Variants in SPATA7 observed in about 807,000 individuals in gnomAD.
SPATA7 encodes the protein spermatogenesis associated 7.
In SPATA7, 43 loss-of-function variants were observed where a neutral mutation model predicts 51.8. The observed-to-expected ratio is 0.83, with a 90% CI of 0.65 to 1.07. The LOEUF is 1.07. SPATA7 is among the 50% of genes least tolerant of loss of function. The probability of loss-of-function intolerance (pLI) is 0.00; values close to 1 mark genes in which losing one functional copy is unlikely to be tolerated. For missense variants in SPATA7, 683 were observed against 701.3 expected, an observed-to-expected ratio of 0.97 and a Z score of 0.30; for synonymous variants, 230 against 252.8, an observed-to-expected ratio of 0.91 and a Z score of 0.86.
intron 2 of SPATA7, among the ~76,000 whole-genome samples, chr14:88,392,385 G>C (rs537731234): frequency 6.6e-6 from 1 of 152,146 alleles, no homozygotes; most frequent in Non-Finnish European, 1.5e-5. Context: ...TTTATCAGCA[G>C]TGTAACCTTG....
intron 4 of SPATA7, among the ~76,000 whole-genome samples, chr14:88,460,496 C>G (rs989339240): frequency 6.6e-6 from 1 of 152,140 alleles, no homozygotes; most frequent in South Asian, 2.1e-4. Flanking sequence ...TCCAGTTGAT[C>G]GAATCGGCTA....
chr14:88,444,753 A>G (rs898495491), intron 3 of SPATA7, among the ~76,000 whole-genome samples: 3 of 152,128 alleles, frequency 2.0e-5, no homozygotes, highest in Non-Finnish European at 4.4e-5. Flanking sequence ...TCCTTTCCCC[A>G]TTGCTTGTTT....
chr14:88,445,562 C>T lies in SPATA7; in HGVS notation c.177+7659C>T, dbSNP rs374878183. Among the ~76,000 whole-genome samples the T allele has an allele frequency of 0.016, 2,396 of 151,258 alleles. 115 individuals are homozygous for T. The East Asian group carries it at 0.18, about 11-fold the overall frequency. On this transcript the variant is annotated intron_variant, in intron 3 of 3. Transcript: ENST00000554802. ...TGAGAGAGGGCATCCCTGTCTTGTG[C>T]CAGTTTTCAAAGGGAATGCTTCCAG...
chr14:88,405,051 A>G (rs891771838), intron 4 of SPATA7, among the ~76,000 whole-genome samples: 6 of 152,228 alleles, frequency 3.9e-5, no homozygotes, highest in African/African-American at 9.6e-5. Context: ...CTTGCTGATA[A>G]GGTGACAATT....
chr14:88,452,624 C>T (rs980335414), intron 3 of SPATA7, among the ~76,000 whole-genome samples: 1 of 152,144 alleles, frequency 6.6e-6, no homozygotes, highest in Non-Finnish European at 1.5e-5. Flanking sequence ...AGCAAAAGTT[C>T]ACAATGTGGG....
chr14:88,452,205 A>G (rs1028935717), intron 3 of SPATA7, among the ~76,000 whole-genome samples: 1 of 152,056 alleles, frequency 6.6e-6, no homozygotes, highest in Non-Finnish European at 1.5e-5. Flanking sequence ...GGATCTAGTC[A>G]CCCAGCAGGG....
intron 6 of SPATA7, 31 bp from the exon 7 acceptor site, chr14:88,427,599 A>G: frequency 2.7e-6 from 4 of 1,477,902 alleles, no homozygotes; most frequent in Non-Finnish European, 3.7e-6. Flanking sequence ...ATTTTGAAGG[A>G]TTAACAATTA....
At chr14:88,400,763 A>G (rs1301235330) in intron 4 of SPATA7, among the ~76,000 whole-genome samples, 2 of 152,134 alleles carry the variant, frequency 1.3e-5, no homozygotes, top group Non-Finnish European at 2.9e-5. Context: ...TGAATCCAGG[A>G]GGTGGAGGTT....
downstream of SPATA7, among the ~76,000 whole-genome samples, chr14:88,443,375 G>C (rs146841207): frequency 4.6e-5 from 7 of 152,020 alleles, no homozygotes; most frequent in Admixed American, 1.3e-4. Context: ...TCTCCTCTAG[G>C]TTTTCTAGTT....
chr14:88,463,106 T>C (rs545376090), intron 4 of SPATA7, among the ~76,000 whole-genome samples: 29 of 152,304 alleles, frequency 1.9e-4, no homozygotes, highest in African/African-American at 6.0e-4. Flanking sequence ...CTCTATATAA[T>C]AGCATTTGCC....
Position 88,396,202 on chromosome 14 carries a change from G to A in SPATA7, c.237G>A (p.Lys79=). 3.7e-6 allele frequency: 6 copies of A among 1,608,034 alleles called. No homozygotes were observed. The highest frequency in any genetic ancestry group is 1.1e-5 in the South Asian group (1 of 90,834). ...SVPVSVSTSI[K]YADQQRREKL... ...CAGTAAGCGTGAGTACCAGCATAAA[G>A]TGTAAGTAATTTTTGGACATTATTA... Residue 79 remains lysine (K), a splice_region_variant and synonymous_variant, in exon 4 of 12, where the codon AAG becomes AAA. Coordinates refer to ENST00000393545, the MANE Select transcript of SPATA7 (RefSeq NM_018418.5).
downstream of SPATA7, among the ~76,000 whole-genome samples, chr14:88,457,137 A>G (rs1291420694): frequency 3.9e-5 from 6 of 152,172 alleles, no homozygotes; most frequent in East Asian, 1.9e-4. Flanking sequence ...GCCTTGTAGT[A>G]TAATTTGAAG....
chr14:88,393,638 T>C (rs898041607), intron 3 of SPATA7, 150 bp downstream of exon 3: 1 of 608,948 alleles, frequency 1.6e-6, no homozygotes, highest in African/African-American at 1.9e-5. Flanking sequence ...CTATTGACTC[T>C]AGGTACTTAG....
chr14:88,412,223 T>A (rs938630233), intron 4 of SPATA7, among the ~76,000 whole-genome samples: 1 of 133,964 alleles, frequency 7.5e-6, no homozygotes, highest in African/African-American at 3.6e-5. Context: ...TTCTTCTTGC[T>A]TTTTTTTTTT....
chr14:88,470,256 T>G (rs2077439997), exon 5 of SPATA7: 1 of 583,118 alleles, frequency 1.7e-6, no homozygotes, highest in Non-Finnish European at 3.0e-6. Context: ...TTTTATAAAC[T>G]TAGGTACTGT....
chr14:88,452,398 T>C (rs962094704), intron 3 of SPATA7, among the ~76,000 whole-genome samples: 2 of 152,210 alleles, frequency 1.3e-5, no homozygotes, highest in East Asian at 1.9e-4. Flanking sequence ...TTTGTGTTCG[T>C]TGGCCTCCAG....
chr14:88,454,828 C>G (rs1365898047), intron 3 of SPATA7, among the ~76,000 whole-genome samples: 2 of 151,996 alleles, frequency 1.3e-5, no homozygotes, highest in African/African-American at 4.8e-5. Flanking sequence ...AAAAAGAAAG[C>G]CTAGATAGAC....
intron 9 of SPATA7, 74 bp from the exon 10 acceptor site, chr14:88,433,061 G>T: frequency 9.3e-7 from 1 of 1,078,700 alleles, no homozygotes; most frequent in Admixed American, 1.8e-5. Context: ...TTCTAATTAG[G>T]TACTAATGTT....
intron 5 of SPATA7, among the ~76,000 whole-genome samples, chr14:88,424,868 G>A (rs889056087): frequency 1.3e-5 from 2 of 152,098 alleles, no homozygotes; most frequent in African/African-American, 4.8e-5. Flanking sequence ...ACATATTTTA[G>A]ATAGTAGTCA....
Sources: gnomAD v4.1 joint callset for allele counts (sites outside exome capture counted in the v4.1 genomes callset) on GRCh38, gnomAD v4.1.1 for gene constraint, MANE v1.5 for transcripts, NCBI Gene and HGNC (gene_info 2026-07-23, HGNC 2026-07-21) for gene names.